PCCA: variants seen among roughly 807,000 people sequenced by gnomAD.
The protein encoded by PCCA is propionyl-CoA carboxylase alpha chain, mitochondrial.
In PCCA, 74 loss-of-function variants were observed where a neutral mutation model predicts 101.3. The observed-to-expected ratio is 0.73, with a 90% CI of 0.61 to 0.89. The LOEUF is 0.89. Among genes scored for constraint, PCCA ranks in the 40% least tolerant of loss-of-function variants. The pLI, the probability that PCCA is intolerant of heterozygous loss-of-function variation, is 0.00. For synonymous variants in PCCA, 294 were observed against 313.6 expected, an observed-to-expected ratio of 0.94 and a Z score of 0.66; for missense variants, 891 against 907.0, an observed-to-expected ratio of 0.98 and a Z score of 0.23.
intron 2 of PCCA, among the ~76,000 whole-genome samples, chr13:100,104,854 T>G (rs2047607464): frequency 6.6e-6 from 1 of 151,912 alleles, no homozygotes; most frequent in Non-Finnish European, 1.5e-5. Context: ...CAGGTGTACG[T>G]CACCATGCCC....
At chr13:100,413,564 T>G (rs898520028) in intron 19 of PCCA, among the ~76,000 whole-genome samples, 1 of 152,098 alleles carries the variant, frequency 6.6e-6, no homozygotes, top group Non-Finnish European at 1.5e-5. Flanking sequence ...GGGAGGAGTA[T>G]AGAGCGTCAC....
intron 18 of PCCA, among the ~76,000 whole-genome samples, chr13:100,342,141 A>G (rs1348627803): frequency 2.0e-5 from 3 of 151,788 alleles, no homozygotes; most frequent in Non-Finnish European, 4.4e-5. Context: ...TCTAGCTTCA[A>G]TGACTGTAAA....
At chr13:100,419,342 G>T (rs1287839741) in intron 19 of PCCA, among the ~76,000 whole-genome samples, 1 of 151,700 alleles carries the variant, frequency 6.6e-6, no homozygotes, top group Non-Finnish European at 1.5e-5. Flanking sequence ...TGTGGTGGTG[G>T]GCGCCTGTAA....
intron 19 of PCCA, among the ~76,000 whole-genome samples, chr13:100,417,648 G>A (rs1300553741): frequency 6.6e-6 from 1 of 152,020 alleles, no homozygotes; most frequent in East Asian, 1.9e-4. Flanking sequence ...AGCCACTCCA[G>A]CCTCCATTAT....
rs573880940 is a variant in PCCA at position 100,259,498 on chromosome 13, C to A, written c.716+1825C>A. 1.1e-3 allele frequency among the ~76,000 whole-genome samples: 173 copies of A among 151,986 alleles called. 1 individual carries two copies. The highest frequency in any genetic ancestry group is 4.0e-4 in the Non-Finnish European group (27 of 67,982). On this transcript the variant is annotated intron_variant, in intron 9 of 23. Coordinates refer to ENST00000376285, the MANE Select transcript of PCCA (RefSeq NM_000282.4). ...TACAGCTGCACGCCACCACACCCAGCTAATTTTTGTATTTTTAGTAGAGAC... is the reference window on the plus strand; with the variant it reads ...TACAGCTGCACGCCACCACACCCAGATAATTTTTGTATTTTTAGTAGAGAC...
intron 21 of PCCA, chr13:100,491,407 AAAAAGCAGACAGCTATTC>A (rs1210750434): frequency 5.4e-6 from 1 of 185,780 alleles, no homozygotes; most frequent in African/African-American, 2.4e-5. Flanking sequence ...TCTGCCTTTT[AAAAAGCAGACAGCTATTC>A]AGAACAGCAA....
intron 17 of PCCA, among the ~76,000 whole-genome samples, chr13:100,336,211 G>A (rs928541530): frequency 3.9e-5 from 6 of 152,148 alleles, no homozygotes; most frequent in Non-Finnish European, 7.4e-5. Flanking sequence ...GTGGTGAGCC[G>A]AGATGGTGCC....
intron 18 of PCCA, 33 bp downstream of exon 18, chr13:100,340,292 G>A: frequency 9.4e-7 from 1 of 1,063,922 alleles, no homozygotes; most frequent in Non-Finnish European, 1.5e-6. Context: ...GAATAAATGA[G>A]CAGAACAATA....
chr13:100,455,745 G>A (rs2081659686), intron 21 of PCCA, among the ~76,000 whole-genome samples: 1 of 152,030 alleles, frequency 6.6e-6, no homozygotes, highest in South Asian at 2.1e-4. Flanking sequence ...TGTCACCCAG[G>A]CTGGTGTGCA....
intron 21 of PCCA, among the ~76,000 whole-genome samples, chr13:100,500,691 C>T (rs760327034): frequency 2.0e-5 from 3 of 152,146 alleles, no homozygotes; most frequent in Non-Finnish European, 4.4e-5. Context: ...AGTTCCTTTC[C>T]TAATCTCACC....
At chr13:100,441,992 T>TA (rs1435993532) in intron 20 of PCCA, among the ~76,000 whole-genome samples, 1 of 136,236 alleles carries the variant, frequency 7.3e-6, no homozygotes, top group East Asian at 3.0e-4. Flanking sequence ...CTTTTTTCTT[T>TA]TTTTTTTTTT....
intron 19 of PCCA, among the ~76,000 whole-genome samples, chr13:100,421,588 A>G (rs1470452634): frequency 6.6e-6 from 1 of 151,074 alleles, no homozygotes; most frequent in Admixed American, 6.6e-5. Context: ...TTTTTTTTTT[A>G]GTACTTAGAC....
At chr13:100,205,220 T>G (rs1192932742) in intron 6 of PCCA, among the ~76,000 whole-genome samples, 1 of 152,164 alleles carries the variant, frequency 6.6e-6, no homozygotes, top group African/African-American at 2.4e-5. Flanking sequence ...AAATCTGGCC[T>G]TTTATTCTAA....
At chr13:100,389,952 G>A (rs1170253659) in intron 19 of PCCA, among the ~76,000 whole-genome samples, 3 of 152,176 alleles carry the variant, frequency 2.0e-5, no homozygotes, top group African/African-American at 7.2e-5. Flanking sequence ...CTGCCTTCAT[G>A]ATGGAGAATA....
At chr13:100,233,420 T>C (rs9582379) in intron 7 of PCCA, among the ~76,000 whole-genome samples, 6,477 of 152,266 alleles carry the variant, frequency 0.043, 474 homozygotes, top group African/African-American at 0.15. Context: ...TTGTGATGAT[T>C]GTTGGTCCTT....
chr13:100,418,552 C>A (rs1296719940), intron 19 of PCCA, among the ~76,000 whole-genome samples: 1 of 152,138 alleles, frequency 6.6e-6, no homozygotes, highest in Non-Finnish European at 1.5e-5. Flanking sequence ...CCTGCATGAT[C>A]TTTCAAAAAT....
chr13:100,387,097 A>G (rs2076552500), intron 19 of PCCA, among the ~76,000 whole-genome samples: 1 of 152,204 alleles, frequency 6.6e-6, no homozygotes, highest in African/African-American at 2.4e-5. Context: ...CTGGTCCCAC[A>G]GGTGTAAGTA....
chr13:100,488,676 G>A (rs1156402428), intron 21 of PCCA, among the ~76,000 whole-genome samples: 3 of 146,988 alleles, frequency 2.0e-5, no homozygotes, highest in African/African-American at 7.6e-5. Context: ...GTGTGGTGGT[G>A]CATACCTATA....
chr13:100,227,499 T>C (rs545941668), intron 7 of PCCA, among the ~76,000 whole-genome samples: 30 of 152,306 alleles, frequency 2.0e-4, no homozygotes, highest in African/African-American at 6.7e-4. Context: ...TATTCTTGGG[T>C]TGGGTGATAG....
Sources: allele counts gnomAD v4.1 joint callset (sites outside exome capture counted in the v4.1 genomes callset), GRCh38; gene constraint gnomAD v4.1.1; transcripts MANE v1.5; gene names NCBI Gene and HGNC (gene_info 2026-07-23, HGNC 2026-07-21).